The following PCDHA2 variants were observed in gnomAD, a reference collection of about 807,000 sequenced individuals.
PCDHA2 encodes the protein protocadherin alpha-2.
A neutral mutation model predicts 66.0 loss-of-function variants in PCDHA2; 58 were observed. The observed-to-expected ratio is 0.88, with a 90% CI of 0.71 to 1.09. The LOEUF (loss-of-function observed/expected upper bound fraction) is 1.09. PCDHA2 is among the 50% of genes least tolerant of loss of function. The pLI is 0.00. For synonymous variants in PCDHA2, 634 were observed against 554.0 expected, an observed-to-expected ratio of 1.14 and a Z score of -2.03; for missense variants, 1,267 against 1,242.3, an observed-to-expected ratio of 1.02 and a Z score of -0.30.
rs2150339268 is a variant in PCDHA2, at chr5:140,842,564, C to T, written c.2388+45212C>T. ...GTTGGTGCTGGACAGCGCCCTGGACCGCGAGAGAGTGTCGGCCTATGAGTT... is the reference window on the plus strand; with the variant it reads ...GTTGGTGCTGGACAGCGCCCTGGACTGCGAGAGAGTGTCGGCCTATGAGTT... On this transcript the variant is annotated intron_variant, in intron 1 of 3. Transcript: ENST00000526136. 4 of 1,500,320 alleles carry T rather than the reference C, an allele frequency of 2.7e-6. 1 individual carries two copies. The highest frequency in any genetic ancestry group is 1.9e-5 in the Admixed American group (1 of 52,900). The allele number at this position is 1,500,320 out of a possible 1,614,324, so 92.9% of individuals were successfully genotyped here.
At chr5:140,949,597 C>T (rs1279469149) in intron 1 of PCDHA2, among the ~76,000 whole-genome samples, 1 of 151,600 alleles carries the variant, frequency 6.6e-6, no homozygotes, top group African/African-American at 2.4e-5. Flanking sequence ...TTAATGTGGC[C>T]ATTCTAGTCT....
At chr5:140,927,281 A>G (rs1554204297) in intron 1 of PCDHA2, 1 of 1,614,172 alleles carries the variant, frequency 6.2e-7, no homozygotes, top group Non-Finnish European at 8.5e-7. Flanking sequence ...GGCGACGTGC[A>G]GCTGCACATC....
intron 1 of PCDHA2, among the ~76,000 whole-genome samples, chr5:140,938,765 A>G (rs1554212377): frequency 6.6e-6 from 1 of 152,182 alleles, no homozygotes; most frequent in Non-Finnish European, 1.5e-5. Context: ...GTTATTGGGT[A>G]CTAGACTTAG....
chr5:140,888,197 C>T (rs190439070), intron 1 of PCDHA2, among the ~76,000 whole-genome samples: 18 of 152,162 alleles, frequency 1.2e-4, no homozygotes, highest in East Asian at 1.2e-3. Flanking sequence ...TTTACATTGT[C>T]GGATGCTGGA....
At chr5:140,875,277 G>T in intron 1 of PCDHA2, 1 of 1,315,080 alleles carries the variant, frequency 7.6e-7, no homozygotes, top group African/African-American at 1.5e-5. Context: ...CACTCAGAAG[G>T]TGAAACAGGA....
At chr5:140,815,396 T>C (rs1765716097) in intron 1 of PCDHA2, 1 of 152,150 alleles carries the variant, frequency 6.6e-6, no homozygotes, top group Admixed American at 6.5e-5. Flanking sequence ...GCTTACATTT[T>C]AAAACTCTTA....
intron 1 of PCDHA2, chr5:140,802,241 T>C (rs1554121966): frequency 6.2e-6 from 10 of 1,614,244 alleles, no homozygotes; most frequent in Non-Finnish European, 8.5e-6. Flanking sequence ...ATAATGTACC[T>C]GAGTTAGTTA....
chr5:140,940,158 C>T (rs1159450232), intron 1 of PCDHA2, among the ~76,000 whole-genome samples: 3 of 151,970 alleles, frequency 2.0e-5, no homozygotes, highest in African/African-American at 7.3e-5. Context: ...TTTTTGTTTG[C>T]CTGAAATGTC....
In PCDHA2 at chr5:140,853,715, G is replaced by T; in HGVS notation, c.2388+56363G>T. ...ACCTGCTAACGCATTAGCATTAGCA[G>T]CACCTAAGTCCTCATTGAATGTTCT... is the stretch of plus-strand genomic sequence containing the variant. On this transcript the variant is annotated intron_variant, in intron 1 of 3. Coordinates refer to ENST00000526136, the MANE Select transcript of PCDHA2 (RefSeq NM_018905.3). 6 of 988,172 alleles carry T rather than the reference G, an allele frequency of 6.1e-6. 1 individual carries two copies. The highest frequency in any genetic ancestry group is 7.3e-6 in the Non-Finnish European group (6 of 820,144). 61.2% of individuals were successfully genotyped at this position (988,172 alleles called of 1,614,324 possible). A position where few individuals can be genotyped will look rare whatever the true frequency, so the allele number is the denominator to read the frequency against.
chr5:140,876,925 C>G (rs1554169109), intron 1 of PCDHA2: 1 of 1,613,838 alleles, frequency 6.2e-7, no homozygotes, highest in South Asian at 1.1e-5. Flanking sequence ...CGCGGACGCG[C>G]AGAAGAACGC....
intron 1 of PCDHA2, chr5:140,803,623 G>C: frequency 6.2e-7 from 1 of 1,613,908 alleles, no homozygotes; most frequent in Non-Finnish European, 8.5e-7. Context: ...TTTCCAAAAT[G>C]TCTTTGTTTT....
At chr5:140,967,954 C>T in intron 1 of PCDHA2, 1 of 1,614,208 alleles carries the variant, frequency 6.2e-7, no homozygotes, top group Non-Finnish European at 8.5e-7. Flanking sequence ...ACTCAGGCCC[C>T]AACCGGAAAG....
At position 140,841,125 on chromosome 5, in the gene PCDHA2, C is replaced by T. The variant is rs2150311446; in HGVS notation, c.2388+43773C>T. 38 of 651,618 alleles carry T rather than the reference C, an allele frequency of 5.8e-5. No individual in the cohort carries two copies. In the African/African-American group the frequency reaches 6.2e-4, roughly 11 times the overall value. 40.4% of individuals were successfully genotyped at this position (651,618 alleles called of 1,614,324 possible). A position where few individuals can be genotyped will look rare whatever the true frequency, so the allele number is the denominator to read the frequency against. ...GCGGAAGTAATTCATGTAATCATTACCTTTTGAAGCCACATGATGTCGCTG... is the reference window on the plus strand; with the variant it reads ...GCGGAAGTAATTCATGTAATCATTATCTTTTGAAGCCACATGATGTCGCTG... On this transcript the variant is annotated intron_variant, in intron 1 of 3. Transcript: ENST00000526136.
At chr5:140,870,505 C>T in intron 1 of PCDHA2, 1 of 1,614,220 alleles carries the variant, frequency 6.2e-7, no homozygotes, top group Non-Finnish European at 8.5e-7. Context: ...GGAGAACAAC[C>T]CACCAGGCTG....
chr5:140,997,188 G>T (rs948891203), intron 3 of PCDHA2, among the ~76,000 whole-genome samples: 1 of 151,976 alleles, frequency 6.6e-6, no homozygotes, highest in African/African-American at 2.4e-5. Context: ...GACAATTGAT[G>T]AAACTATATT....
chr5:140,875,460 C>T (rs1380748731), intron 1 of PCDHA2: 2 of 1,598,406 alleles, frequency 1.3e-6, no homozygotes, highest in Middle Eastern at 1.7e-4. Flanking sequence ...CTCAGAGGCC[C>T]TCATTTTCTG....
In PCDHA2 at chr5:140,842,710, C is replaced by T. The variant is rs2150342683; in HGVS notation, c.2388+45358C>T. On this transcript the variant is annotated intron_variant, in intron 1 of 3. Coordinates refer to ENST00000526136, the MANE Select transcript of PCDHA2 (RefSeq NM_018905.3). ...TCGCGCAGCCCGAGTACACGGTGTT[C>T]GTGAAGGAGAACAACCCGCCGGGCT... The T allele has an allele frequency of 1.4e-5, 23 of 1,595,008 alleles. 3 individuals carry two copies. The Admixed American group carries it at 3.2e-4, about 22-fold the overall frequency.
rs1554162252 is a variant in PCDHA2 at position 140,868,854 on chromosome 5, T to A, written c.2388+71502T>A. ...ACCCAAAACACGTGAAATTCTGTGG[T>A]GGTAAATGCAGTGCACAGTACTCAC... On this transcript the variant is annotated intron_variant, in intron 1 of 3. Coordinates refer to ENST00000526136, the MANE Select transcript of PCDHA2 (RefSeq NM_018905.3). 8.6e-6 allele frequency: 4 copies of A among 465,988 alleles called. 1 individual carries two copies. The highest frequency in any genetic ancestry group is 1.4e-5 in the Non-Finnish European group (4 of 277,116). The allele number at this position is 465,988 out of a possible 1,614,324, so 28.9% of individuals were successfully genotyped here. A position where few individuals can be genotyped will look rare whatever the true frequency, so the allele number is the denominator to read the frequency against.
At chr5:140,816,594 T>C (rs1765954434) in intron 1 of PCDHA2, 1 of 152,074 alleles carries the variant, frequency 6.6e-6, no homozygotes, top group South Asian at 2.1e-4. Flanking sequence ...TTACTTTGTG[T>C]TGATATCTAT....
Sources: allele counts gnomAD v4.1 joint callset (sites outside exome capture counted in the v4.1 genomes callset), GRCh38; gene constraint gnomAD v4.1.1; transcripts MANE v1.5; gene names NCBI Gene and HGNC (gene_info 2026-07-23, HGNC 2026-07-21).